DENND6B: variants seen among roughly 807,000 people sequenced by gnomAD.
DENND6B encodes DENN domain containing 6B, also known as protein DENND6B.
Under a neutral mutation model 85.1 loss-of-function variants are expected in DENND6B, and 73 were observed. That is an observed-to-expected ratio of 0.86 (90% CI 0.71 to 1.04). The LOEUF is 1.04. Among genes scored for constraint, DENND6B ranks in the 50% least tolerant of loss-of-function variants. DENND6B has a pLI of 0.00. For missense variants in DENND6B, 715 were observed against 785.8 expected (o/e 0.91, Z 1.08); for synonymous variants, 357 against 329.3 (o/e 1.08, Z -0.91).
chr22:50,325,723 C>G (rs939617549), intron 1 of DENND6B, among the ~76,000 whole-genome samples: 3 of 152,288 alleles, frequency 2.0e-5, no homozygotes, highest in Non-Finnish European at 4.4e-5. Context: ...CTGGGCAGGT[C>G]ACCACACTTC....
At chr22:50,312,859 G>A (rs1452900425) in intron 17 of DENND6B, 140 bp downstream of exon 17, 6 of 440,530 alleles carry the variant, frequency 1.4e-5, no homozygotes, top group Non-Finnish European at 2.3e-5. Flanking sequence ...ATTGACAGGC[G>A]GGGGGCCATG....
At position 50,314,611 on chromosome 22, in the gene DENND6B, T is replaced by C. The variant is rs1427782949; in HGVS notation, c.971A>G (p.Gln324Arg). 6.4e-7 allele frequency: 1 copy of C among 1,561,786 alleles called. No individual in the cohort carries two copies. Among genetic ancestry groups the C allele is most frequent in the Admixed American group, 1.9e-5 (1 of 51,812 alleles). Residue 324 changes from glutamine to arginine, a missense_variant, in exon 11 of 20, where the codon CAG (glutamine) becomes CGG (arginine). Physicochemically the swap from Gln to Arg is conservative, Grantham distance 43. Transcript: ENST00000413817. ...GGGCAGAGGCGGCACTTACGGGGCC[T>C]GCGTGCGTGTGGTGAACTCCTTGAA... ...SEFKEFTTRTQAPPNVVLGVT... is the reference protein window; with the variant it reads ...SEFKEFTTRTRAPPNVVLGVT...
At chr22:50,322,291 G>T (rs1407274860) in intron 1 of DENND6B, among the ~76,000 whole-genome samples, 1 of 152,082 alleles carries the variant, frequency 6.6e-6, no homozygotes, top group East Asian at 1.9e-4. Context: ...AGCCAGGATG[G>T]TCTTGATCTC....
chr22:50,320,109 C>G (rs2041996858), intron 1 of DENND6B, among the ~76,000 whole-genome samples: 1 of 152,250 alleles, frequency 6.6e-6, no homozygotes, highest in African/African-American at 2.4e-5. Context: ...CCCTCCTCAT[C>G]CCATCTGCCC....
At position 50,309,629 on chromosome 22, in the gene DENND6B, C is replaced by A; in HGVS notation, c.*2510G>T. 1 of 152,562 alleles carries A rather than the reference C, an allele frequency of 6.6e-6. No homozygotes were observed. Among genetic ancestry groups the A allele is most frequent in the Non-Finnish European group, 1.5e-5 (1 of 68,210 alleles). 9.5% of individuals were successfully genotyped at this position (152,562 alleles called of 1,614,324 possible). A position where few individuals can be genotyped will look rare whatever the true frequency, so the allele number is the denominator to read the frequency against. ...CTACCCCCCACCTTAGCCTTAGCTTCTGCCCAGGGCAATGCTGGCCACCCA... is the reference window on the plus strand; with the variant it reads ...CTACCCCCCACCTTAGCCTTAGCTTATGCCCAGGGCAATGCTGGCCACCCA... On this transcript the variant is annotated 3_prime_UTR_variant, in exon 20 of 20. Transcript: ENST00000413817.
rs2041733286 is a variant in DENND6B at position 50,314,716 on chromosome 22, G to C, written c.882-16C>G. On this transcript the variant is annotated splice_polypyrimidine_tract_variant and intron_variant, in intron 10 of 19. Coordinates refer to ENST00000413817, the MANE Select transcript of DENND6B (RefSeq NM_001001794.4). The stretch of plus-strand genomic sequence containing the variant: ...CTGCAGGCAGCTGTGGGCAGAGGCA[G>C]CAGGGAGCAGGTGAGGCAGGGGCAG... 6.4e-7 allele frequency: 1 copy of C among 1,567,936 alleles called. No homozygotes were observed. Among genetic ancestry groups the C allele is most frequent in the East Asian group, 2.4e-5 (1 of 42,178 alleles).
Position 50,317,980 on chromosome 22 carries a change from C to G in DENND6B, c.300G>C (p.Gln100His). ...GDTQFSFRMR[Q>H]CGGQRSPWHA... ...GCCAGGGGCTCCTCTGCCCTCCACA[C>G]TGGCGCATGCGGAAGCTGAACTGAG... Residue 100 changes from glutamine (Q) to histidine (H), a missense_variant, in exon 4 of 20, where the codon CAG (glutamine) becomes CAC (histidine). Gln to His is a conservative substitution (Grantham distance 24). Transcript: ENST00000413817. The G allele has an allele frequency of 6.2e-7, 1 of 1,612,584 alleles. No individual in the cohort carries two copies. The highest frequency in any genetic ancestry group is 8.5e-7 in the Non-Finnish European group (1 of 1,179,708).
Position 50,314,784 on chromosome 22 carries a change from G to T in DENND6B, c.881+15C>A. On this transcript the variant is annotated intron_variant, in intron 10 of 19. Coordinates refer to ENST00000413817, the MANE Select transcript of DENND6B (RefSeq NM_001001794.4). Reference sequence around the variant, plus strand: ...TGGTCCAGCTTCCCCAGCCGGGACCGGGCCAAGGCGATACCTGGTCAAGGC... The same window carrying T: ...TGGTCCAGCTTCCCCAGCCGGGACCTGGCCAAGGCGATACCTGGTCAAGGC... 6.3e-7 allele frequency: 1 copy of T among 1,596,834 alleles called. No individual in the cohort carries two copies.
chr22:50,314,583 G>A (rs2041723909), intron 11 of DENND6B, 22 bp downstream of exon 11: 1 of 1,556,908 alleles, frequency 6.4e-7, no homozygotes, highest in Non-Finnish European at 8.7e-7. Context: ...AGGGCAAGAG[G>A]CGGGGCAGAG....
chr22:50,324,118 G>T (rs2147793741), intron 1 of DENND6B, among the ~76,000 whole-genome samples: 1 of 152,158 alleles, frequency 6.6e-6, no homozygotes, highest in East Asian at 1.9e-4. Context: ...CCACAGTCCT[G>T]CCCAGCCCCT....
At chr22:50,312,694 T>C (rs1345892263) in intron 17 of DENND6B, 69 bp from the exon 18 acceptor site, 1 of 889,656 alleles carries the variant, frequency 1.1e-6, no homozygotes, top group Non-Finnish European at 1.6e-6. Context: ...GCCATGGGGC[T>C]GACCCTGGGG....
chr22:50,315,861 G>C (rs1375366347), intron 8 of DENND6B, 92 bp from the exon 9 acceptor site: 1 of 1,478,528 alleles, frequency 6.8e-7, no homozygotes, highest in Non-Finnish European at 9.1e-7. Context: ...GGGGAAGGTG[G>C]AGAGCACCCA....
At chr22:50,320,215 G>C (rs2042000798) in intron 1 of DENND6B, among the ~76,000 whole-genome samples, 1 of 152,234 alleles carries the variant, frequency 6.6e-6, no homozygotes, top group Non-Finnish European at 1.5e-5. Context: ...CTGGATGAAA[G>C]CATCTGCCAT....
intron 1 of DENND6B, among the ~76,000 whole-genome samples, chr22:50,323,721 C>CTTTTTTT (rs146060526): frequency 9.6e-6 from 1 of 104,628 alleles, no homozygotes; most frequent in Non-Finnish European, 1.8e-5. Context: ...CACGCCTAGC[C>CTTTTTTT]TTTTTTTTTT....
rs1569192721 is a variant in DENND6B, at chr22:50,310,736, A to AG, written c.*1402dup. 1 of 152,160 alleles carries AG rather than the reference A, an allele frequency of 6.6e-6. No homozygotes were observed. Among genetic ancestry groups the AG allele is most frequent in the Non-Finnish European group, 1.5e-5 (1 of 68,044 alleles). 9.4% of individuals were successfully genotyped at this position (152,160 alleles called of 1,614,324 possible). A position where few individuals can be genotyped will look rare whatever the true frequency, so the allele number is the denominator to read the frequency against. Reference sequence around the variant, plus strand: ...GAGGCGGGCGGATTACGAGGTCAGGAGATCGAGACCATCCTGGCTAACATG... The same window carrying AG: ...GAGGCGGGCGGATTACGAGGTCAGGAGGATCGAGACCATCCTGGCTAACATG... On this transcript the variant is annotated 3_prime_UTR_variant, in exon 20 of 20. Coordinates refer to ENST00000413817, the MANE Select transcript of DENND6B (RefSeq NM_001001794.4).
At position 50,311,769 on chromosome 22, in the gene DENND6B, C is replaced by A. The variant is rs908543703; in HGVS notation, c.*370G>T. The A allele has an allele frequency of 7.5e-6, 2 of 266,730 alleles. No homozygotes were observed. Among genetic ancestry groups the A allele is most frequent in the Non-Finnish European group, 1.5e-5 (2 of 137,634 alleles). The allele number at this position is 266,730 out of a possible 1,614,324, so 16.5% of individuals were successfully genotyped here. On this transcript the variant is annotated 3_prime_UTR_variant, in exon 20 of 20. Transcript: ENST00000413817. ...GGGCAGCCTGTTGGGCTGAGGGAAGCATCACACACAGCGCAGGGGGGTCGG... is the reference window on the plus strand; with the variant it reads ...GGGCAGCCTGTTGGGCTGAGGGAAGAATCACACACAGCGCAGGGGGGTCGG...
intron 1 of DENND6B, among the ~76,000 whole-genome samples, chr22:50,319,685 C>CTCACCTG (rs2041982990): frequency 6.6e-6 from 1 of 152,102 alleles, no homozygotes; most frequent in African/African-American, 2.4e-5. Context: ...CAGAGGGCCC[C>CTCACCTG]GGTCGTGCTG....
At chr22:50,326,644 C>T (rs2042196644) in intron 1 of DENND6B, among the ~76,000 whole-genome samples, 168 bp downstream of exon 1, 1 of 152,264 alleles carries the variant, frequency 6.6e-6, no homozygotes, top group South Asian at 2.1e-4. Flanking sequence ...CGCCTTCCCT[C>T]CTCGGCCTGG....
At position 50,312,415 on chromosome 22, in the gene DENND6B, G is replaced by A; in HGVS notation, c.1563C>T (p.Asn521=). The A allele has an allele frequency of 3.1e-6, 5 of 1,610,582 alleles. No homozygotes were observed. The highest frequency in any genetic ancestry group is 4.2e-6 in the Non-Finnish European group (5 of 1,178,874). Residue 521 remains asparagine (N), a splice_region_variant and synonymous_variant, in exon 19 of 20, where the codon AAC becomes AAT. Transcript: ENST00000413817. ...ACTTGTCTTTCATCCAGGTCTCGAT[G>A]TTCTGCAGGGCAAGACGGGGTCTAC... ...ALHLEAICEA[N]IETWMKDKSE...
Sources: gnomAD v4.1 joint callset for allele counts (sites outside exome capture counted in the v4.1 genomes callset) on GRCh38, gnomAD v4.1.1 for gene constraint, MANE v1.5 for transcripts, NCBI Gene and HGNC (gene_info 2026-07-23, HGNC 2026-07-21) for gene names.